Variants in ROBO2 observed in about 807,000 individuals in gnomAD.
ROBO2 encodes the protein roundabout guidance receptor 2, also known as roundabout homolog 2.
Under a neutral mutation model 160.8 loss-of-function variants are expected in ROBO2, and 53 were observed. That is an observed-to-expected ratio of 0.33 (90% CI 0.26 to 0.41). The LOEUF is 0.41. Ranked by LOEUF, ROBO2 falls within the 10% of genes least tolerant of loss-of-function variation. The pLI is 1.00. For synonymous variants in ROBO2, 664 were observed against 611.7 expected, an observed-to-expected ratio of 1.09 and a Z score of -1.26; for missense variants, 1,577 against 1,722.4, an observed-to-expected ratio of 0.92 and a Z score of 1.49.
intron 2 of ROBO2, among the ~76,000 whole-genome samples, chr3:77,128,234 T>C (rs1216095927): frequency 1.3e-5 from 2 of 152,180 alleles, no homozygotes; most frequent in African/African-American, 4.8e-5. Flanking sequence ...ATATTCTCAG[T>C]GCTTACCTAT....
At chr3:76,454,286 T>G (rs2077632512) in intron 2 of ROBO2, among the ~76,000 whole-genome samples, 1 of 152,206 alleles carries the variant, frequency 6.6e-6, no homozygotes, top group Admixed American at 6.5e-5. Flanking sequence ...TTGTTAGTTT[T>G]GCAAAAGTTA....
At chr3:76,745,819 A>G (rs1203561401) in intron 2 of ROBO2, among the ~76,000 whole-genome samples, 1 of 148,586 alleles carries the variant, frequency 6.7e-6, no homozygotes, top group Non-Finnish European at 1.5e-5. Flanking sequence ...TTATTTATTT[A>G]TTTATTTATT....
intron 2 of ROBO2, among the ~76,000 whole-genome samples, chr3:77,222,602 A>T (rs2151209642): frequency 6.6e-6 from 1 of 152,228 alleles, no homozygotes; most frequent in South Asian, 2.1e-4. Context: ...TTCTCTTCAA[A>T]TTTTCTTCAT....
intron 2 of ROBO2, among the ~76,000 whole-genome samples, chr3:77,338,786 G>A (rs898315671): frequency 1.3e-5 from 2 of 152,240 alleles, no homozygotes; most frequent in Non-Finnish European, 2.9e-5. Flanking sequence ...TACTAGCAAA[G>A]CAATGCCATT....
At chr3:77,360,764 CTG>C (rs1169841520) in intron 2 of ROBO2, among the ~76,000 whole-genome samples, 5 of 152,032 alleles carry the variant, frequency 3.3e-5, no homozygotes, top group African/African-American at 9.7e-5. Context: ...AAGCAAATTG[CTG>C]TGTCTGGGCC....
At chr3:77,030,134 C>A (rs1021460169) in intron 2 of ROBO2, among the ~76,000 whole-genome samples, 1 of 151,926 alleles carries the variant, frequency 6.6e-6, no homozygotes, top group Non-Finnish European at 1.5e-5. Flanking sequence ...TTAGTAGAGA[C>A]GGGGTTTCAC....
chr3:76,423,466 A>C (rs2108947480), intron 2 of ROBO2, among the ~76,000 whole-genome samples: 1 of 152,292 alleles, frequency 6.6e-6, no homozygotes, highest in Admixed American at 6.5e-5. Context: ...CTACATGAGA[A>C]TAGCTGAGTA....
intron 2 of ROBO2, among the ~76,000 whole-genome samples, chr3:76,580,319 T>A (rs2085583953): frequency 8.6e-6 from 1 of 116,032 alleles, no homozygotes; most frequent in Non-Finnish European, 1.9e-5. Flanking sequence ...CAACCCCTGT[T>A]TTTTTTTTGT....
chr3:76,665,997 A>ATAAT (rs2092021959), intron 2 of ROBO2, among the ~76,000 whole-genome samples: 2 of 122,450 alleles, frequency 1.6e-5, no homozygotes, highest in Admixed American at 1.7e-4. Flanking sequence ...TAATATATAT[A>ATAAT]ATATATAATA....
intron 2 of ROBO2, among the ~76,000 whole-genome samples, chr3:77,457,221 GA>G (rs1302940698): frequency 6.6e-6 from 1 of 152,110 alleles, no homozygotes; most frequent in Non-Finnish European, 1.5e-5. Flanking sequence ...GTGGAAGATG[GA>G]ACTGTCAGAA....
chr3:77,505,413 T>C (rs912569248), intron 5 of ROBO2, among the ~76,000 whole-genome samples: 2 of 152,134 alleles, frequency 1.3e-5, no homozygotes, highest in Non-Finnish European at 2.9e-5. Flanking sequence ...CTGAGATTTG[T>C]AACTTGGGTG....
intron 2 of ROBO2, among the ~76,000 whole-genome samples, chr3:77,470,064 A>G (rs190780354): frequency 9.2e-4 from 140 of 152,328 alleles, no homozygotes; most frequent in Admixed American, 8.2e-3. Flanking sequence ...GCAGGCAGAA[A>G]GACCATCATA....
intron 2 of ROBO2, among the ~76,000 whole-genome samples, chr3:77,108,998 G>A (rs776817795): frequency 6.6e-6 from 1 of 152,194 alleles, no homozygotes; most frequent in South Asian, 2.1e-4. Flanking sequence ...GAGCCCAAGA[G>A]TGTGGAGGGA....
intron 2 of ROBO2, among the ~76,000 whole-genome samples, chr3:76,843,594 T>C (rs1364283702): frequency 2.0e-5 from 3 of 152,028 alleles, no homozygotes; most frequent in East Asian, 3.9e-4. Context: ...ATCAAAACTT[T>C]GGTAGTACTT....
chr3:77,597,612 C>T (rs937507041), intron 19 of ROBO2, among the ~76,000 whole-genome samples: 4 of 151,976 alleles, frequency 2.6e-5, no homozygotes, highest in Non-Finnish European at 4.4e-5. Flanking sequence ...TTGCCAGAAC[C>T]CCATGTGGCA....
At chr3:77,020,108 G>T (rs552391092) in intron 2 of ROBO2, among the ~76,000 whole-genome samples, 1 of 152,226 alleles carries the variant, frequency 6.6e-6, no homozygotes, top group Admixed American at 6.5e-5. Context: ...AAGGGGACAT[G>T]GGTTTTTAAA....
intron 2 of ROBO2, among the ~76,000 whole-genome samples, chr3:76,638,633 C>A (rs560571015): frequency 3.9e-5 from 6 of 151,962 alleles, no homozygotes; most frequent in Non-Finnish European, 7.4e-5. Flanking sequence ...CCAGAAATAA[C>A]GTAGCATGTT....
chr3:77,294,469 A>C (rs1178551999), intron 2 of ROBO2, among the ~76,000 whole-genome samples: 5 of 144,792 alleles, frequency 3.5e-5, no homozygotes. Flanking sequence ...ATTGACGGGT[A>C]AACGGGTAAG....
In ROBO2 at chr3:76,218,458, A is replaced by C. The variant is rs550434640; in HGVS notation, c.109+280856A>C. ...TCTCCTTAAGCTGATAAGCAACTTC[A>C]GCAAAGTCTCAGGATACAAAATCAG... On this transcript the variant is annotated intron_variant, in intron 2 of 26. Coordinates refer to the ROBO2 transcript ENST00000487694. Among the ~76,000 whole-genome samples, 5 of 152,360 alleles carry C rather than the reference A, an allele frequency of 3.3e-5. No homozygotes were observed. In the East Asian group the frequency reaches 7.7e-4, roughly 23 times the overall value.
Sources: allele counts gnomAD v4.1 joint callset (sites outside exome capture counted in the v4.1 genomes callset), GRCh38; gene constraint gnomAD v4.1.1; transcripts MANE v1.5; gene names NCBI Gene and HGNC (gene_info 2026-07-23, HGNC 2026-07-21).